Variants in PDE4D observed in about 807,000 individuals in gnomAD.
The protein encoded by PDE4D is phosphodiesterase 4D.
PDE4D carries 24 observed loss-of-function variants against 87.4 expected under a neutral mutation model. The observed-to-expected ratio is 0.27, with a 90% CI of 0.20 to 0.39. PDE4D has a LOEUF of 0.39. Ranked by LOEUF, PDE4D falls within the 10% of genes least tolerant of loss-of-function variation. PDE4D has a pLI of 1.00. For synonymous variants in PDE4D, 384 were observed against 383.2 expected, an observed-to-expected ratio of 1.00 and a Z score of -0.02; for missense variants, 714 against 1,041.0, an observed-to-expected ratio of 0.69 and a Z score of 4.32.
At chr5:59,363,761 T>C (rs1782598074) in intron 1 of PDE4D, among the ~76,000 whole-genome samples, 1 of 152,192 alleles carries the variant, frequency 6.6e-6, no homozygotes, top group Non-Finnish European at 1.5e-5. Context: ...CCATTGTGGC[T>C]GGCTTACCTG....
intron 1 of PDE4D, among the ~76,000 whole-genome samples, chr5:59,609,358 T>C (rs1828667084): frequency 9.9e-6 from 1 of 100,588 alleles, no homozygotes; most frequent in Admixed American, 1.0e-4. Context: ...AACACGTATA[T>C]CTCTCTAATT....
At chr5:60,113,900 C>T (rs1308476145) in intron 2 of PDE4D, among the ~76,000 whole-genome samples, 2 of 152,106 alleles carry the variant, frequency 1.3e-5, no homozygotes, top group African/African-American at 4.8e-5. Context: ...TCCCTCACAG[C>T]ACCAGTAGTA....
chr5:59,355,033 T>C (rs903127422), intron 1 of PDE4D, among the ~76,000 whole-genome samples: 1 of 152,228 alleles, frequency 6.6e-6, no homozygotes, highest in Non-Finnish European at 1.5e-5. Flanking sequence ...ATGATGGATA[T>C]TTGAGATGTC....
intron 1 of PDE4D, among the ~76,000 whole-genome samples, chr5:59,670,758 G>T (rs1303840621): frequency 3.3e-5 from 5 of 152,008 alleles, no homozygotes; most frequent in African/African-American, 1.2e-4. Context: ...ACTATATCAG[G>T]TATGAGTATT....
intron 1 of PDE4D, among the ~76,000 whole-genome samples, chr5:59,317,205 C>G (rs957987996): frequency 2.6e-5 from 4 of 152,118 alleles, no homozygotes; most frequent in Non-Finnish European, 5.9e-5. Context: ...TTGGTGGGCA[C>G]CAGTTGGCAA....
At chr5:58,995,534 T>C (rs1478462924) in intron 6 of PDE4D, among the ~76,000 whole-genome samples, 1 of 152,218 alleles carries the variant, frequency 6.6e-6, no homozygotes, top group Non-Finnish European at 1.5e-5. Flanking sequence ...TGGGCTATCA[T>C]ATAATTTAAT....
intron 1 of PDE4D, among the ~76,000 whole-genome samples, chr5:59,231,219 C>T (rs553457175): frequency 1.3e-5 from 2 of 152,102 alleles, no homozygotes; most frequent in African/African-American, 4.8e-5. Context: ...TGGCTGAAGA[C>T]AAAATGACCT....
intron 3 of PDE4D, among the ~76,000 whole-genome samples, chr5:59,934,677 C>A (rs552189533): frequency 6.6e-6 from 1 of 152,152 alleles, no homozygotes; most frequent in African/African-American, 2.4e-5. Context: ...AGAGGAGGGA[C>A]CAATCACTTT....
chr5:59,343,047 A>T (rs536073463), intron 1 of PDE4D, among the ~76,000 whole-genome samples: 72 of 151,122 alleles, frequency 4.8e-4, no homozygotes, highest in Admixed American at 1.1e-3. Flanking sequence ...AATTCGTGTC[A>T]TGGGGGTATT....
chr5:60,039,962 GC>G (rs1318645078), intron 2 of PDE4D, among the ~76,000 whole-genome samples: 1 of 152,110 alleles, frequency 6.6e-6, no homozygotes, highest in African/African-American at 2.4e-5. Flanking sequence ...TGATAATATT[GC>G]AAGTATTTTA....
intron 1 of PDE4D, chr5:59,529,027 T>A: frequency 2.1e-6 from 1 of 473,390 alleles, no homozygotes. Flanking sequence ...CAACCAACTC[T>A]AACCACCAAG....
intron 1 of PDE4D, among the ~76,000 whole-genome samples, chr5:59,345,754 G>T (rs1041648739): frequency 3.9e-5 from 6 of 152,168 alleles, no homozygotes. Flanking sequence ...CACTTTGGGG[G>T]CGACATAAAT....
intron 1 of PDE4D, among the ~76,000 whole-genome samples, chr5:59,755,661 G>C (rs1761113384): frequency 6.6e-6 from 1 of 151,742 alleles, no homozygotes; most frequent in Non-Finnish European, 1.5e-5. Context: ...GTTCTATTTG[G>C]CAATCACTCA....
At chr5:59,434,504 G>A (rs1796530818) in intron 1 of PDE4D, among the ~76,000 whole-genome samples, 1 of 151,816 alleles carries the variant, frequency 6.6e-6, no homozygotes, top group Non-Finnish European at 1.5e-5. Context: ...AGTTGTTCTT[G>A]ATTTTGATCT....
At chr5:59,898,435 C>G (rs568520485), upstream of PDE4D, among the ~76,000 whole-genome samples, 2 of 152,110 alleles carry the variant, frequency 1.3e-5, no homozygotes, top group Non-Finnish European at 2.9e-5. Context: ...TATACTGATG[C>G]GGATATGTAG....
chr5:59,587,537 G>A (rs1282232878), intron 1 of PDE4D: 4 of 985,386 alleles, frequency 4.1e-6, no homozygotes, highest in Non-Finnish European at 4.8e-6. Context: ...TGGAATCCTC[G>A]CAGCCGCCTT....
At chr5:59,437,102 G>A (rs750921996) in intron 1 of PDE4D, among the ~76,000 whole-genome samples, 8 of 152,140 alleles carry the variant, frequency 5.3e-5, no homozygotes, top group African/African-American at 1.4e-4. Flanking sequence ...TATATCCAAA[G>A]TTTAGGCTGA....
At chr5:60,060,397 A>G (rs1314746195) in intron 2 of PDE4D, among the ~76,000 whole-genome samples, 2 of 152,084 alleles carry the variant, frequency 1.3e-5, no homozygotes, top group Non-Finnish European at 2.9e-5. Flanking sequence ...GTGGAGACTA[A>G]AGCAACTCCA....
At chr5:59,502,518 T>C (rs1207549520) in intron 1 of PDE4D, among the ~76,000 whole-genome samples, 27 of 152,150 alleles carry the variant, frequency 1.8e-4, no homozygotes, top group Non-Finnish European at 1.5e-5. Context: ...GATGGAGATA[T>C]ATCTAATGAA....
Sources: allele counts gnomAD v4.1 joint callset (sites outside exome capture counted in the v4.1 genomes callset), GRCh38; gene constraint gnomAD v4.1.1; transcripts MANE v1.5; gene names NCBI Gene and HGNC (gene_info 2026-07-23, HGNC 2026-07-21).